The following TFDP2 variants were observed in gnomAD, a reference collection of about 807,000 sequenced individuals.
The protein encoded by TFDP2 is transcription factor Dp-2.
In TFDP2, 17 loss-of-function variants were observed where a neutral mutation model predicts 59.3. The ratio of observed to expected loss-of-function variants is 0.29; its 90% CI spans 0.20 to 0.43. The LOEUF is 0.43. TFDP2 is among the 20% of genes least tolerant of loss of function. The probability of loss-of-function intolerance (pLI) is 1.00; values close to 1 mark genes in which losing one functional copy is unlikely to be tolerated. For missense variants in TFDP2, 391 were observed against 528.8 expected (o/e 0.74, Z 2.56); for synonymous variants, 180 against 194.7 (o/e 0.92, Z 0.63).
chr3:141,963,153 T>C (rs1356034566), intron 10 of TFDP2, among the ~76,000 whole-genome samples: 5 of 152,222 alleles, frequency 3.3e-5, no homozygotes, highest in Non-Finnish European at 7.3e-5. Context: ...TTTATGGTAC[T>C]GGTCACAGCC....
At position 141,947,294 on chromosome 3, in the gene TFDP2, G is replaced by A. The variant is rs1354246571; in HGVS notation, c.*5219C>T. ...AACCCATTTGGGAAAACGGTTCTTAGAAGTCCAGTCATCAGCTTCACCAAA... is the reference window on the plus strand; with the variant it reads ...AACCCATTTGGGAAAACGGTTCTTAAAAGTCCAGTCATCAGCTTCACCAAA... On this transcript the variant is annotated 3_prime_UTR_variant, in exon 13 of 13. Transcript: ENST00000489671. The A allele has an allele frequency of 6.6e-6, 1 of 152,224 alleles. No individual in the cohort carries two copies. Among genetic ancestry groups the A allele is most frequent in the African/African-American group, 2.4e-5 (1 of 41,460 alleles). 9.4% of individuals were successfully genotyped at this position (152,224 alleles called of 1,614,324 possible).
intron 1 of TFDP2, among the ~76,000 whole-genome samples, chr3:142,131,921 A>G (rs56163066): frequency 0.086 from 12,622 of 146,038 alleles, 764 homozygotes; most frequent in Middle Eastern, 0.15. Flanking sequence ...TGGGAGAATC[A>G]CTTGAACCCG....
intron 1 of TFDP2, among the ~76,000 whole-genome samples, chr3:142,116,373 T>C (rs1202929588): frequency 6.6e-6 from 1 of 152,086 alleles, no homozygotes; most frequent in Non-Finnish European, 1.5e-5. Context: ...ACTGGTATTC[T>C]CTTAAGAGGA....
chr3:142,116,687 C>T (rs1027751703), intron 1 of TFDP2, among the ~76,000 whole-genome samples: 2 of 152,196 alleles, frequency 1.3e-5, no homozygotes, highest in Non-Finnish European at 2.9e-5. Context: ...ATTATAGTTA[C>T]ACCTAGGTAT....
intron 6 of TFDP2, among the ~76,000 whole-genome samples, chr3:141,983,406 G>A (rs1233650127): frequency 6.6e-6 from 1 of 152,144 alleles, no homozygotes; most frequent in African/African-American, 2.4e-5. Flanking sequence ...GGAGGCCAAG[G>A]CAAGTGGATC....
intron 3 of TFDP2, among the ~76,000 whole-genome samples, chr3:142,061,386 C>T (rs769206757): frequency 6.6e-6 from 1 of 152,028 alleles, no homozygotes; most frequent in Non-Finnish European, 1.5e-5. Context: ...TGATGGTTAA[C>T]TTTTGTGTCA....
intron 3 of TFDP2, among the ~76,000 whole-genome samples, chr3:142,007,652 A>C (rs955066580): frequency 3.3e-5 from 5 of 152,188 alleles, no homozygotes; most frequent in African/African-American, 1.2e-4. Context: ...ATGTGGAATC[A>C]GTGGGAGCCT....
At chr3:142,075,933 C>T (rs528548120) in intron 3 of TFDP2, among the ~76,000 whole-genome samples, 49 of 136,682 alleles carry the variant, frequency 3.6e-4, no homozygotes, top group African/African-American at 1.4e-3. Flanking sequence ...AAGGCTTTCC[C>T]GGCATGGTGG....
At position 141,968,583 on chromosome 3, in the gene TFDP2, CTCATATATAGATATATATAACAT is replaced by C. The variant is rs1318219998; in HGVS notation, c.732+1467_732+1489del. 1.2e-3 allele frequency among the ~76,000 whole-genome samples: 112 copies of C among 96,414 alleles called. 2 individuals are homozygous for C. Among genetic ancestry groups the C allele is most frequent in the African/African-American group, 4.8e-3 (105 of 21,656 alleles). 63.3% of individuals were successfully genotyped at this position (96,414 alleles called of 152,430 possible). On this transcript the variant is annotated intron_variant, in intron 9 of 12. Coordinates refer to ENST00000489671, the MANE Select transcript of TFDP2 (RefSeq NM_001178139.2). The stretch of plus-strand genomic sequence containing the variant: ...ATATAGATATATATAACATATATAT[CTCATATATAGATATATATAACAT>C]ATATATCTCATATATAGATATATAT...
At chr3:142,071,105 G>C (rs1389870379) in intron 3 of TFDP2, among the ~76,000 whole-genome samples, 3 of 151,974 alleles carry the variant, frequency 2.0e-5, no homozygotes, top group African/African-American at 4.8e-5. Context: ...TGTGGCAGAA[G>C]GATAGGTGTC....
chr3:142,142,062 T>C (rs931337849), intron 1 of TFDP2, among the ~76,000 whole-genome samples: 6 of 152,124 alleles, frequency 3.9e-5, no homozygotes, highest in Non-Finnish European at 8.8e-5. Flanking sequence ...CCACTGTCAC[T>C]ACTGTTATTC....
At chr3:141,965,486 T>C (rs1186384652) in intron 9 of TFDP2, among the ~76,000 whole-genome samples, 1 of 141,226 alleles carries the variant, frequency 7.1e-6, no homozygotes, top group African/African-American at 2.7e-5. Context: ...AACAGAGCCC[T>C]TTCTCAAGAA....
At chr3:142,125,513 C>G (rs2062204366) in intron 1 of TFDP2, among the ~76,000 whole-genome samples, 1 of 152,008 alleles carries the variant, frequency 6.6e-6, no homozygotes, top group Non-Finnish European at 1.5e-5. Flanking sequence ...CACACACACA[C>G]ATATATCTAT....
At chr3:142,045,097 T>G (rs183274529) in intron 3 of TFDP2, among the ~76,000 whole-genome samples, 11 of 152,224 alleles carry the variant, frequency 7.2e-5, no homozygotes, top group Admixed American at 2.6e-4. Flanking sequence ...CAAAGTATAA[T>G]TTTTTTCTGT....
chr3:142,140,427 TGGA>T (rs1247214640), intron 1 of TFDP2, among the ~76,000 whole-genome samples: 2 of 152,342 alleles, frequency 1.3e-5, no homozygotes, highest in Non-Finnish European at 1.5e-5. Flanking sequence ...TGCAATCCTT[TGGA>T]GGAGAAGAGG....
intron 1 of TFDP2, among the ~76,000 whole-genome samples, chr3:142,105,359 A>T (rs2061438196): frequency 6.6e-6 from 1 of 152,136 alleles, no homozygotes; most frequent in Admixed American, 6.5e-5. Flanking sequence ...TTCCTCTCAG[A>T]TGGGCTAACC....
rs558436121 is a variant in TFDP2 at position 142,072,129 on chromosome 3, T to A, written c.82+20932A>T. ...GTCAGGGAACAGCCAAAAAGGAAGG[T>A]GAAAATATTATAAACAAGAGAAAAA... On this transcript the variant is annotated intron_variant, in intron 3 of 12. Coordinates refer to ENST00000489671, the MANE Select transcript of TFDP2 (RefSeq NM_001178139.2). Among the ~76,000 whole-genome samples the A allele has an allele frequency of 1.2e-4, 18 of 152,236 alleles. No homozygotes were observed. In the South Asian group the frequency reaches 3.7e-3, roughly 32 times the overall value.
At chr3:141,995,948 A>G (rs1477544284) in intron 4 of TFDP2, among the ~76,000 whole-genome samples, 1 of 151,820 alleles carries the variant, frequency 6.6e-6, no homozygotes, top group Non-Finnish European at 1.5e-5. Flanking sequence ...GATAGTTTAA[A>G]GACCATAAAA....
At chr3:142,130,499 TTTTTTA>T (rs1365860655) in intron 1 of TFDP2, among the ~76,000 whole-genome samples, 4 of 152,030 alleles carry the variant, frequency 2.6e-5, no homozygotes, top group Non-Finnish European at 5.9e-5. Context: ...TTCTTTTTTT[TTTTTTA>T]TACTTTTAAG....
Sources: gnomAD v4.1 joint callset for allele counts (sites outside exome capture counted in the v4.1 genomes callset) on GRCh38, gnomAD v4.1.1 for gene constraint, MANE v1.5 for transcripts, NCBI Gene and HGNC (gene_info 2026-07-23, HGNC 2026-07-21) for gene names.